DOCK2: variants seen among roughly 807,000 people sequenced by gnomAD.
DOCK2 encodes dedicator of cytokinesis protein 2.
DOCK2 carries 87 observed loss-of-function variants against 248.9 expected under a neutral mutation model. The observed-to-expected ratio is 0.35, with a 90% CI of 0.29 to 0.42. The LOEUF (loss-of-function observed/expected upper bound fraction) is 0.42. Ranked by LOEUF, DOCK2 falls within the 10% of genes least tolerant of loss-of-function variation. The probability of loss-of-function intolerance (pLI) is 1.00; values close to 1 mark genes in which losing one functional copy is unlikely to be tolerated. For synonymous variants in DOCK2, 805 were observed against 821.6 expected (o/e 0.98, Z 0.35); for missense variants, 1,747 against 2,300.2 (o/e 0.76, Z 4.92).
chr5:169,810,413 A>C (rs1767665560), intron 26 of DOCK2, among the ~76,000 whole-genome samples: 1 of 152,180 alleles, frequency 6.6e-6, no homozygotes, highest in Admixed American at 6.5e-5. Flanking sequence ...AATTGATTTT[A>C]GTGTTCTAAT....
chr5:169,914,648 C>A (rs895296155), intron 27 of DOCK2, among the ~76,000 whole-genome samples: 1 of 152,186 alleles, frequency 6.6e-6, no homozygotes, highest in Non-Finnish European at 1.5e-5. Flanking sequence ...TAGAAAACAA[C>A]CTGGATTTCT....
At chr5:169,710,459 C>G (rs1159251408) in intron 15 of DOCK2, among the ~76,000 whole-genome samples, 1 of 152,146 alleles carries the variant, frequency 6.6e-6, no homozygotes, top group East Asian at 1.9e-4. Context: ...CTGAAAGATG[C>G]CCTTTTGGAA....
intron 27 of DOCK2, chr5:169,875,213 C>G (rs1009990381): frequency 1.3e-5 from 6 of 456,482 alleles, no homozygotes; most frequent in African/African-American, 1.0e-4. Context: ...TTATTTGAAC[C>G]AACCATTCCC....
chr5:170,075,749 C>T, intron 46 of DOCK2, 198 bp from the exon 47 acceptor site: 1 of 670,756 alleles, frequency 1.5e-6, no homozygotes, highest in Non-Finnish European at 2.5e-6. Flanking sequence ...TCTTTCTCTC[C>T]TTTCCAGAGC....
At chr5:169,672,682 C>A (rs1056556973) in intron 5 of DOCK2, among the ~76,000 whole-genome samples, 1 of 152,154 alleles carries the variant, frequency 6.6e-6, no homozygotes, top group Admixed American at 6.6e-5. Flanking sequence ...CAAGATTGCC[C>A]TCACTTTAGA....
chr5:169,769,296 A>G lies in DOCK2; in HGVS notation c.2554+7671A>G, dbSNP rs75948659. Among the ~76,000 whole-genome samples the G allele has an allele frequency of 9.8e-3, 1,493 of 152,254 alleles. 31 individuals are homozygous for G. The highest frequency in any genetic ancestry group is 0.034 in the African/African-American group (1,433 of 41,550). ...TGACGTTTCCCTCAGTTTATCTAAAATGACTCCCTTTGGGACTTTAGCCCC... is the reference window on the plus strand; with the variant it reads ...TGACGTTTCCCTCAGTTTATCTAAAGTGACTCCCTTTGGGACTTTAGCCCC... On this transcript the variant is annotated intron_variant, in intron 25 of 51. Coordinates refer to ENST00000520908, the MANE Select transcript of DOCK2 (RefSeq NM_004946.3).
At chr5:169,948,387 T>C (rs942196673) in intron 27 of DOCK2, among the ~76,000 whole-genome samples, 3 of 152,134 alleles carry the variant, frequency 2.0e-5, no homozygotes, top group Non-Finnish European at 4.4e-5. Flanking sequence ...AATGATTATT[T>C]GCACCTTTCT....
At chr5:170,035,301 C>A (rs752626144) in intron 35 of DOCK2, among the ~76,000 whole-genome samples, 2 of 152,178 alleles carry the variant, frequency 1.3e-5, no homozygotes, top group Non-Finnish European at 2.9e-5. Context: ...CACGTGACAT[C>A]CATCACATCA....
At chr5:169,694,595 T>C (rs1332078081) in intron 9 of DOCK2, among the ~76,000 whole-genome samples, 1 of 152,212 alleles carries the variant, frequency 6.6e-6, no homozygotes, top group East Asian at 1.9e-4. Context: ...AATAATTGTA[T>C]GTACTTCAGA....
intron 44 of DOCK2, among the ~76,000 whole-genome samples, chr5:170,062,691 A>G (rs2113863596): frequency 1.3e-5 from 2 of 152,318 alleles, no homozygotes. Context: ...AGAGTTAGAC[A>G]TATGCAAGTC....
chr5:170,006,710 C>T (rs116468744), intron 30 of DOCK2, among the ~76,000 whole-genome samples: 2,024 of 152,280 alleles, frequency 0.013, 17 homozygotes, highest in Non-Finnish European at 0.023. Context: ...ATGTAAACTG[C>T]GTGAGGCCAG....
intron 26 of DOCK2, among the ~76,000 whole-genome samples, chr5:169,833,732 C>G (rs1355420851): frequency 6.6e-6 from 1 of 152,202 alleles, no homozygotes; most frequent in Non-Finnish European, 1.5e-5. Context: ...AAGTGTGCAT[C>G]CTGGAGGCTA....
chr5:169,715,440 G>A (rs1229790390), intron 19 of DOCK2, among the ~76,000 whole-genome samples: 2 of 152,132 alleles, frequency 1.3e-5, no homozygotes, highest in Non-Finnish European at 2.9e-5. Context: ...ATTTCCAGAT[G>A]CCGTAAATGT....
At chr5:169,830,665 A>G (rs977031447) in intron 26 of DOCK2, among the ~76,000 whole-genome samples, 1 of 152,206 alleles carries the variant, frequency 6.6e-6, no homozygotes, top group African/African-American at 2.4e-5. Flanking sequence ...TGGAGGTTTC[A>G]CTACATTTTA....
chr5:170,044,337 C>T (rs1756622129), intron 38 of DOCK2, among the ~76,000 whole-genome samples: 1 of 152,160 alleles, frequency 6.6e-6, no homozygotes, highest in South Asian at 2.1e-4. Context: ...TGCCCAGAAC[C>T]CACCGTGTGC....
chr5:169,666,873 C>G (rs1758764311), intron 2 of DOCK2, among the ~76,000 whole-genome samples: 1 of 152,148 alleles, frequency 6.6e-6, no homozygotes, highest in African/African-American at 2.4e-5. Flanking sequence ...AAGCATGTAG[C>G]CCAGTGCAAT....
intron 27 of DOCK2, among the ~76,000 whole-genome samples, chr5:169,895,655 G>A (rs1292383172): frequency 6.6e-6 from 1 of 151,910 alleles, no homozygotes; most frequent in Non-Finnish European, 1.5e-5. Flanking sequence ...CACAGCCCCC[G>A]AGAGCAGGGT....
intron 34 of DOCK2, chr5:170,028,468 C>A (rs1007611503): frequency 5.8e-5 from 9 of 154,506 alleles, no homozygotes; most frequent in African/African-American, 1.9e-4. Flanking sequence ...GGACAAGCTG[C>A]ATCCTGAACC....
intron 23 of DOCK2, among the ~76,000 whole-genome samples, chr5:169,749,889 G>A (rs1230703747): frequency 2.0e-5 from 3 of 152,174 alleles, no homozygotes; most frequent in Non-Finnish European, 2.9e-5. Context: ...CAGGAGCAGG[G>A]GACAGCATGA....
Sources: allele counts gnomAD v4.1 joint callset (sites outside exome capture counted in the v4.1 genomes callset), GRCh38; gene constraint gnomAD v4.1.1; transcripts MANE v1.5; gene names NCBI Gene and HGNC (gene_info 2026-07-23, HGNC 2026-07-21).